Variants in THADA observed in about 807,000 individuals in gnomAD.
THADA encodes tRNA (32-2'-O)-methyltransferase regulator THADA.
A neutral mutation model predicts 219.8 loss-of-function variants in THADA; 213 were observed. The ratio of observed to expected loss-of-function variants is 0.97; its 90% confidence interval spans 0.87 to 1.09. The LOEUF is 1.09. Among genes scored for constraint, THADA ranks in the 50% least tolerant of loss-of-function variants. THADA has a pLI of 0.00. For synonymous variants in THADA, 1,018 were observed against 828.9 expected, an observed-to-expected ratio of 1.23 and a Z score of -3.92; for missense variants, 2,956 against 2,311.3, an observed-to-expected ratio of 1.28 and a Z score of -5.72.
intron 4 of THADA, among the ~76,000 whole-genome samples, chr2:43,587,365 C>T (rs895482832): frequency 6.6e-6 from 1 of 152,198 alleles, no homozygotes; most frequent in Non-Finnish European, 1.5e-5. Context: ...CTGGCACTAC[C>T]ATTAGCTCCT....
intron 26 of THADA, among the ~76,000 whole-genome samples, chr2:43,435,466 AAGGAAGGGAGGG>A (rs1679955656): frequency 7.0e-6 from 1 of 143,104 alleles, no homozygotes; most frequent in Admixed American, 6.9e-5. Flanking sequence ...GGAAGGGAGG[AAGGAAGGGAGGG>A]AGGGAAGGAG....
chr2:43,586,891 A>G lies in THADA; in HGVS notation c.414T>C (p.Thr138=). The G allele has an allele frequency of 6.2e-7, 1 of 1,613,948 alleles. No individual in the cohort carries two copies. Among genetic ancestry groups the G allele is most frequent in the African/African-American group, 1.3e-5 (1 of 75,062 alleles). Residue 138 remains threonine (T), a synonymous_variant, in exon 5 of 38, where the codon ACT becomes ACC. Coordinates refer to ENST00000405975, the MANE Select transcript of THADA (RefSeq NM_022065.5). The part of the protein sequence containing the change: ...TTDLYSYRKV[T]DNISSCMENF... ...TCTCCATACAGGAAGAAATATTGTC[A>G]GTAACTTTCCTGTAAGAGTATAAGT...
chr2:43,300,681 T>C (rs1676156965), intron 31 of THADA, among the ~76,000 whole-genome samples: 1 of 152,106 alleles, frequency 6.6e-6, no homozygotes. Context: ...TTAAATAAGT[T>C]TGCTGAATTA....
intron 26 of THADA, among the ~76,000 whole-genome samples, chr2:43,461,406 A>G (rs1683627064): frequency 6.6e-6 from 1 of 152,182 alleles, no homozygotes; most frequent in African/African-American, 2.4e-5. Flanking sequence ...AAGTACTAAA[A>G]AATGATTTTT....
At chr2:43,506,361 A>G (rs1296786483) in intron 23 of THADA, among the ~76,000 whole-genome samples, 1 of 152,240 alleles carries the variant, frequency 6.6e-6, no homozygotes, top group Non-Finnish European at 1.5e-5. Flanking sequence ...TCCAATAAAC[A>G]TAAAAATAGG....
intron 21 of THADA, 37 bp downstream of exon 21, chr2:43,541,122 C>T: frequency 5.5e-6 from 8 of 1,454,870 alleles, no homozygotes; most frequent in South Asian, 3.1e-5. Flanking sequence ...ATGCGTTGAC[C>T]AGAAATTATA....
At chr2:43,393,068 C>T (rs979254834) in intron 29 of THADA, among the ~76,000 whole-genome samples, 1 of 152,024 alleles carries the variant, frequency 6.6e-6, no homozygotes, top group South Asian at 2.1e-4. Context: ...AGCCTAGGTC[C>T]CAAGGGAGGA....
chr2:43,489,613 C>T (rs913638189), intron 25 of THADA, among the ~76,000 whole-genome samples: 16 of 152,062 alleles, frequency 1.1e-4, no homozygotes, highest in African/African-American at 3.1e-4. Context: ...CAGTTGTCCC[C>T]GTACCATTTG....
At chr2:43,508,860 T>C (rs1690031174) in intron 22 of THADA, 80 bp from the exon 23 acceptor site, 1 of 1,365,344 alleles carries the variant, frequency 7.3e-7, no homozygotes, top group African/African-American at 1.4e-5. Context: ...ATTTACACTG[T>C]TAGTAAATAA....
chr2:43,233,392 C>A, intron 36 of THADA: 1 of 153,312 alleles, frequency 6.5e-6, no homozygotes, highest in African/African-American at 2.4e-5. Context: ...TGAAAGCAGC[C>A]ATGGACAATC....
chr2:43,428,528 C>T (rs998598061), intron 27 of THADA, among the ~76,000 whole-genome samples: 2 of 152,164 alleles, frequency 1.3e-5, no homozygotes, highest in Non-Finnish European at 2.9e-5. Flanking sequence ...TCACTTGAAC[C>T]TAGGAGGCGG....
chr2:43,315,908 ACTC>A (rs1678025130), intron 31 of THADA, among the ~76,000 whole-genome samples: 1 of 151,916 alleles, frequency 6.6e-6, no homozygotes, highest in African/African-American at 2.4e-5. Context: ...CGTCCAATGA[ACTC>A]CTTTGTCTAC....
chr2:43,270,557 C>T (rs925431081), intron 36 of THADA, among the ~76,000 whole-genome samples: 3 of 152,188 alleles, frequency 2.0e-5, no homozygotes, highest in Non-Finnish European at 2.9e-5. Flanking sequence ...GGACTCCTTT[C>T]CCTGTCTCAG....
intron 17 of THADA, 78 bp downstream of exon 17, chr2:43,556,267 T>C: frequency 4.5e-6 from 7 of 1,558,922 alleles, no homozygotes; most frequent in African/African-American, 1.4e-5. Flanking sequence ...AAATATATGT[T>C]TAACCATTAG....
At chr2:43,356,350 T>C (rs372959967) in intron 29 of THADA, among the ~76,000 whole-genome samples, 1 of 152,168 alleles carries the variant, frequency 6.6e-6, no homozygotes, top group Admixed American at 6.5e-5. Context: ...ATATGTTTCA[T>C]ATCATGTTTT....
chr2:43,297,718 G>A (rs1675678423), intron 31 of THADA, among the ~76,000 whole-genome samples: 2 of 124,296 alleles, frequency 1.6e-5, no homozygotes, highest in African/African-American at 3.5e-5. Flanking sequence ...CGTCCGGGAG[G>A]GAGGTGGGGG....
At chr2:43,470,899 G>A (rs1257501436) in intron 26 of THADA, among the ~76,000 whole-genome samples, 1 of 152,172 alleles carries the variant, frequency 6.6e-6, no homozygotes. Flanking sequence ...AATCTCAGTT[G>A]AAGAATATTT....
chr2:43,442,655 T>C (rs528268894), intron 26 of THADA, among the ~76,000 whole-genome samples: 2 of 152,186 alleles, frequency 1.3e-5, no homozygotes, highest in African/African-American at 2.4e-5. Context: ...TGCTGTCTTA[T>C]GGGCTTTGAC....
chr2:43,571,971 G>C (rs1699353266), intron 12 of THADA, 109 bp from the exon 13 acceptor site: 2 of 980,226 alleles, frequency 2.0e-6, no homozygotes, highest in Non-Finnish European at 3.0e-6. Flanking sequence ...GTAAACTTCA[G>C]TTCACCAATA....
Sources: allele counts gnomAD v4.1 joint callset (sites outside exome capture counted in the v4.1 genomes callset), GRCh38; gene constraint gnomAD v4.1.1; transcripts MANE v1.5; gene names NCBI Gene and HGNC (gene_info 2026-07-23, HGNC 2026-07-21).